The following CPNE8 variants were observed in gnomAD, a reference collection of about 807,000 sequenced individuals.
The protein encoded by CPNE8 is copine-8.
Under a neutral mutation model 81.5 loss-of-function variants are expected in CPNE8, and 45 were observed. The observed-to-expected ratio is 0.55, with a 90% CI of 0.44 to 0.71. The LOEUF is 0.71. Ranked by LOEUF, CPNE8 falls within the 30% of genes least tolerant of loss-of-function variation. The pLI, the probability that CPNE8 is intolerant of heterozygous loss-of-function variation, is 0.00. For missense variants in CPNE8, 594 were observed against 672.1 expected, an observed-to-expected ratio of 0.88 and a Z score of 1.28; for synonymous variants, 252 against 226.3, an observed-to-expected ratio of 1.11 and a Z score of -1.02.
chr12:38,790,859 G>C (rs1437140851), intron 6 of CPNE8, among the ~76,000 whole-genome samples: 1 of 151,538 alleles, frequency 6.6e-6, no homozygotes, highest in Non-Finnish European at 1.5e-5. Flanking sequence ...GGTTTGTTTT[G>C]CCCTGTACTG....
chr12:38,718,543 G>A (rs1565582010), intron 13 of CPNE8, among the ~76,000 whole-genome samples: 1 of 152,024 alleles, frequency 6.6e-6, no homozygotes, highest in Non-Finnish European at 1.5e-5. Context: ...AAAAGGAGGG[G>A]CACTATTCAG....
At chr12:38,663,842 G>T (rs1939008951) in intron 19 of CPNE8, among the ~76,000 whole-genome samples, 1 of 152,042 alleles carries the variant, frequency 6.6e-6, no homozygotes, top group South Asian at 2.1e-4. Context: ...GAGCCCGGAG[G>T]ACACTATGTT....
At chr12:38,879,538 T>A (rs1944120008) in intron 1 of CPNE8, among the ~76,000 whole-genome samples, 1 of 152,158 alleles carries the variant, frequency 6.6e-6, no homozygotes, top group Admixed American at 6.5e-5. Flanking sequence ...ATTCTTCATA[T>A]GTATAATGAG....
At chr12:38,690,661 A>G (rs2136668030) in intron 15 of CPNE8, among the ~76,000 whole-genome samples, 1 of 152,320 alleles carries the variant, frequency 6.6e-6, no homozygotes, top group East Asian at 1.9e-4. Context: ...GGAGGTAGGA[A>G]AAGCAGAAAA....
intron 5 of CPNE8, among the ~76,000 whole-genome samples, chr12:38,837,225 T>C (rs570542564): frequency 6.6e-6 from 1 of 152,078 alleles, no homozygotes; most frequent in Non-Finnish European, 1.5e-5. Flanking sequence ...GGTGGCTCAG[T>C]AAAAGTCAAA....
chr12:38,850,744 C>T (rs952087846), intron 3 of CPNE8, among the ~76,000 whole-genome samples: 1 of 152,186 alleles, frequency 6.6e-6, no homozygotes, highest in Non-Finnish European at 1.5e-5. Flanking sequence ...TTTGACACCA[C>T]ATTCCTCTGT....
chr12:38,784,699 A>G (rs1212310714), intron 6 of CPNE8, among the ~76,000 whole-genome samples: 1 of 152,168 alleles, frequency 6.6e-6, no homozygotes. Context: ...AAATCTTTCC[A>G]GGACACAAAA....
chr12:38,754,149 A>C (rs554122196), intron 10 of CPNE8, among the ~76,000 whole-genome samples: 9 of 152,326 alleles, frequency 5.9e-5, no homozygotes, highest in South Asian at 4.1e-4. Flanking sequence ...CCTGAACAGA[A>C]TATCAACAGG....
chr12:38,656,304 A>G (rs958540783), intron 19 of CPNE8, among the ~76,000 whole-genome samples: 3 of 149,984 alleles, frequency 2.0e-5, no homozygotes, highest in African/African-American at 7.3e-5. Context: ...GTCAGTATAC[A>G]TGCAGTGGTC....
intron 5 of CPNE8, among the ~76,000 whole-genome samples, chr12:38,837,470 G>T (rs1186691137): frequency 6.6e-6 from 1 of 152,068 alleles, no homozygotes; most frequent in Non-Finnish European, 1.5e-5. Flanking sequence ...ACACTTGAGG[G>T]TCATCAGGTA....
intron 6 of CPNE8, 148 bp downstream of exon 6, chr12:38,829,229 AAT>A (rs1943247119): frequency 1.7e-6 from 1 of 600,794 alleles, no homozygotes; most frequent in East Asian, 2.7e-5. Context: ...ATTCTTTAAA[AAT>A]ATGTCAAAAT....
chr12:38,865,527 G>T (rs972700436), intron 3 of CPNE8, among the ~76,000 whole-genome samples: 4 of 152,156 alleles, frequency 2.6e-5, no homozygotes, highest in African/African-American at 9.6e-5. Flanking sequence ...TAAACTATAT[G>T]ATTCTATGTA....
At chr12:38,799,900 G>T (rs1214203121) in intron 6 of CPNE8, among the ~76,000 whole-genome samples, 2 of 151,866 alleles carry the variant, frequency 1.3e-5, no homozygotes, top group African/African-American at 2.4e-5. Context: ...TGTGACTGAC[G>T]CACCTGGAAA....
At chr12:38,679,557 T>C in intron 16 of CPNE8, 2 of 983,678 alleles carry the variant, frequency 2.0e-6, no homozygotes, top group Non-Finnish European at 2.4e-6. Flanking sequence ...GCTAGGCATA[T>C]GTAATTTGAA....
At chr12:38,681,196 G>T (rs532600019) in intron 16 of CPNE8, among the ~76,000 whole-genome samples, 6 of 151,914 alleles carry the variant, frequency 3.9e-5, no homozygotes, top group Non-Finnish European at 8.8e-5. Context: ...TATTGATGAA[G>T]AATTCTAGAT....
intron 10 of CPNE8, among the ~76,000 whole-genome samples, chr12:38,744,866 T>A (rs1941192905): frequency 6.6e-6 from 1 of 152,218 alleles, no homozygotes; most frequent in African/African-American, 2.4e-5. Context: ...AACAGTGATT[T>A]TATTATTCTT....
chr12:38,863,419 T>A (rs956365847), intron 3 of CPNE8, among the ~76,000 whole-genome samples: 7 of 152,238 alleles, frequency 4.6e-5, no homozygotes, highest in African/African-American at 9.6e-5. Flanking sequence ...ACACCAATTT[T>A]ACTCATATTC....
chr12:38,890,951 G>C (rs1277233470), intron 1 of CPNE8, among the ~76,000 whole-genome samples: 1 of 150,784 alleles, frequency 6.6e-6, no homozygotes, highest in East Asian at 1.9e-4. Context: ...GAGAGAGAAA[G>C]AGTCTCACTC....
chr12:38,721,383 G>A (rs981289463), intron 13 of CPNE8, among the ~76,000 whole-genome samples: 1 of 151,994 alleles, frequency 6.6e-6, no homozygotes, highest in Non-Finnish European at 1.5e-5. Context: ...GAAGATGATA[G>A]GACAACCTGC....
Sources: allele counts gnomAD v4.1 joint callset (sites outside exome capture counted in the v4.1 genomes callset), GRCh38; gene constraint gnomAD v4.1.1; transcripts MANE v1.5; gene names NCBI Gene and HGNC (gene_info 2026-07-23, HGNC 2026-07-21).